Variants in SYNE1 observed in about 807,000 individuals in gnomAD.
SYNE1 encodes nesprin-1.
Under a neutral mutation model 1,111.0 loss-of-function variants are expected in SYNE1, and 616 were observed. The observed-to-expected ratio is 0.55, with a 90% CI of 0.52 to 0.59. The LOEUF is 0.59. SYNE1 is among the 20% of genes least tolerant of loss of function. The pLI is 0.00. For missense variants in SYNE1, 10,006 were observed against 10,417.0 expected, an observed-to-expected ratio of 0.96 and a Z score of 1.72; for synonymous variants, 3,855 against 3,825.8, an observed-to-expected ratio of 1.01 and a Z score of -0.28.
intron 128 of SYNE1, among the ~76,000 whole-genome samples, chr6:152,182,521 A>G (rs1036655946): frequency 2.0e-5 from 3 of 152,300 alleles, no homozygotes; most frequent in South Asian, 4.1e-4. Flanking sequence ...ACATTTTGCT[A>G]TATTTTGTTT....
intron 144 of SYNE1, 31 bp downstream of exon 144, chr6:152,132,091 G>C: frequency 1.2e-6 from 2 of 1,600,550 alleles, no homozygotes; most frequent in Non-Finnish European, 8.6e-7. Context: ...CACTCCCATG[G>C]GCCAACTGAA....
intron 3 of SYNE1, among the ~76,000 whole-genome samples, chr6:152,627,491 A>G (rs188739627): frequency 4.4e-3 from 69 of 15,686 alleles, no homozygotes; most frequent in African/African-American, 0.018. Flanking sequence ...TATCTCTACT[A>G]AAAAAAAAAA....
At chr6:152,445,363 T>C (rs187100362) in intron 29 of SYNE1, among the ~76,000 whole-genome samples, 1 of 152,204 alleles carries the variant, frequency 6.6e-6, no homozygotes, top group East Asian at 1.9e-4. Flanking sequence ...TCTAATGGAT[T>C]CTCTTCCTTA....
Position 152,511,588 on chromosome 6 carries a change from T to C in SYNE1, c.310-485A>G, listed in dbSNP as rs764771842. On this transcript the variant is annotated intron_variant, in intron 6 of 145. Coordinates refer to ENST00000367255, the MANE Select transcript of SYNE1 (RefSeq NM_182961.4). Reference sequence around the variant, plus strand: ...GTACTAACCGGTGATCCTCTGTGCATGGACTGACATGAAAAACAAAGGGAG... The same window carrying C: ...GTACTAACCGGTGATCCTCTGTGCACGGACTGACATGAAAAACAAAGGGAG... 26 of 1,612,516 alleles carry C rather than the reference T, an allele frequency of 1.6e-5. No individual in the cohort carries two copies. The South Asian group carries it at 2.5e-4, about 16-fold the overall frequency.
intron 3 of SYNE1, among the ~76,000 whole-genome samples, chr6:152,557,815 G>C (rs368142823): frequency 6.6e-6 from 1 of 152,066 alleles, no homozygotes; most frequent in South Asian, 2.1e-4. Context: ...AAAAATTAAT[G>C]TTAGAGTTCT....
rs71660056 is a variant in SYNE1, at chr6:152,121,768, CT to C, written c.*667del. 0.42 allele frequency: 63,792 copies of C among 150,726 alleles called. 13,936 individuals carry two copies. The highest frequency in any genetic ancestry group is 0.52 in the African/African-American group (21,164 of 41,008). The allele number at this position is 150,726 out of a possible 1,614,324, so 9.3% of individuals were successfully genotyped here. A position where few individuals can be genotyped will look rare whatever the true frequency, so the allele number is the denominator to read the frequency against. The stretch of plus-strand genomic sequence containing the variant: ...TAGCAAACTGTACATACATAAATAT[CT>C]TTTTTTTTTTACTATAACATTCAAC... On this transcript the variant is annotated 3_prime_UTR_variant, in exon 146 of 146. Transcript: ENST00000367255.
chr6:152,150,481 CAG>C (rs1257054153), intron 135 of SYNE1, among the ~76,000 whole-genome samples: 1 of 152,162 alleles, frequency 6.6e-6, no homozygotes, highest in Non-Finnish European at 1.5e-5. Context: ...AGAGAGGAAT[CAG>C]GGGAGAGGGT....
At chr6:152,377,608 TAAAAAAAAAAAAAAAAAA>T (rs869031827) in intron 56 of SYNE1, among the ~76,000 whole-genome samples, 3 of 31,368 alleles carry the variant, frequency 9.6e-5, no homozygotes, top group African/African-American at 3.0e-4. Context: ...AACTCCGTCT[TAAAAAAAAAAAAAAAAAA>T]AAAAAAAAAA....
At position 152,145,920 on chromosome 6, in the gene SYNE1, G is replaced by A. The variant is rs1435464483; in HGVS notation, c.24976+2125C>T. ...GGTACCTGTAATCCCAGCTACATGG[G>A]AGTCTGAGGCAGGAGGATCGCTTGA... On this transcript the variant is annotated intron_variant, in intron 137 of 145. Coordinates refer to ENST00000367255, the MANE Select transcript of SYNE1 (RefSeq NM_182961.4). 15 of 337,194 alleles carry A rather than the reference G, an allele frequency of 4.4e-5. 1 individual carries two copies. In the East Asian group the frequency reaches 1.1e-3, roughly 24 times the overall value. The allele number at this position is 337,194 out of a possible 1,614,324, so 20.9% of individuals were successfully genotyped here. A position where few individuals can be genotyped will look rare whatever the true frequency, so the allele number is the denominator to read the frequency against.
rs1366322267 is a variant in SYNE1 at position 152,344,103 on chromosome 6, C to T, written c.12203G>A (p.Ser4068Asn). The T allele has an allele frequency of 1.2e-6, 2 of 1,614,222 alleles. No homozygotes were observed. Among genetic ancestry groups the T allele is most frequent in the Non-Finnish European group, 1.7e-6 (2 of 1,180,038 alleles). Residue 4068 changes from serine to asparagine, a missense_variant, in exon 74 of 146, where the codon AGT (serine) becomes AAT (asparagine). Ser to Asn is a conservative substitution (Grantham distance 46). Transcript: ENST00000367255. ...TACCTGCTTAATGGCTTCTGCCCTACTAAGAGGTGGTTGAGGACTTGGCTC... is the reference window on the plus strand; with the variant it reads ...TACCTGCTTAATGGCTTCTGCCCTATTAAGAGGTGGTTGAGGACTTGGCTC... ...DLEPSPQPPL[S>N]RAEAIKQVKH...
At chr6:152,627,490 TAA>T (rs5880989) in intron 3 of SYNE1, among the ~76,000 whole-genome samples, 4 of 134,354 alleles carry the variant, frequency 3.0e-5, no homozygotes, top group Admixed American at 1.5e-4. Context: ...ATATCTCTAC[TAA>T]AAAAAAAAAA....
intron 93 of SYNE1, among the ~76,000 whole-genome samples, chr6:152,299,056 T>A (rs548475494): frequency 4.6e-5 from 7 of 152,330 alleles, no homozygotes; most frequent in African/African-American, 1.4e-4. Context: ...GCTTTGTGGT[T>A]AATGTCAAGA....
At chr6:152,310,103 C>A in intron 89 of SYNE1, 86 bp from the exon 90 acceptor site, 6 of 1,416,618 alleles carry the variant, frequency 4.2e-6, no homozygotes, top group Admixed American at 2.2e-5. Flanking sequence ...AGTTACGTTG[C>A]AAGTTATAAA....
chr6:152,334,247 T>C lies in SYNE1; in HGVS notation c.12555A>G (p.Lys4185=). The C allele has an allele frequency of 1.2e-6, 2 of 1,613,956 alleles. No individual in the cohort carries two copies. The highest frequency in any genetic ancestry group is 1.7e-6 in the Non-Finnish European group (2 of 1,180,032). Residue 4185 remains lysine (K), a synonymous_variant, in exon 77 of 146, where the codon AAA becomes AAG. Coordinates refer to ENST00000367255, the MANE Select transcript of SYNE1 (RefSeq NM_182961.4). Reference sequence around the variant, plus strand: ...CTATTATGGTGTTCACGGATGCCTGTTTGCTCTGTAGTTTCTTAACAAAAT... The same window carrying C: ...CTATTATGGTGTTCACGGATGCCTGCTTGCTCTGTAGTTTCTTAACAAAAT... ...VKDFVKKLQS[K]QASVNTIIEK... is the part of the protein sequence containing the mutation.
In SYNE1 at chr6:152,364,839, T is replaced by G. The variant is rs1242424354; in HGVS notation, c.10145+8A>C. 1 of 1,614,148 alleles carries G rather than the reference T, an allele frequency of 6.2e-7. No individual in the cohort carries two copies. The highest frequency in any genetic ancestry group is 1.3e-5 in the African/African-American group (1 of 75,026). On this transcript the variant is annotated splice_region_variant and intron_variant, in intron 63 of 145. Transcript: ENST00000367255. ...GCTTCCCCAGTGCTTGGCTGTAGTT[T>G]CCCTCACCTTTTACAACGAATCCCT...
At chr6:152,378,023 C>T (rs1337155098) in intron 56 of SYNE1, among the ~76,000 whole-genome samples, 1 of 152,154 alleles carries the variant, frequency 6.6e-6, no homozygotes, top group Non-Finnish European at 1.5e-5. Flanking sequence ...CCATGGTCAT[C>T]TGAGTTACAC....
chr6:152,158,235 A>G (rs1214494689), intron 131 of SYNE1, among the ~76,000 whole-genome samples: 2 of 152,190 alleles, frequency 1.3e-5, no homozygotes, highest in Non-Finnish European at 2.9e-5. Flanking sequence ...TAAGTATTCC[A>G]TTATTAAAAG....
chr6:152,498,197 T>A (rs1164752011), intron 11 of SYNE1, among the ~76,000 whole-genome samples: 2 of 152,204 alleles, frequency 1.3e-5, no homozygotes, highest in African/African-American at 2.4e-5. Context: ...ATTCAATAAC[T>A]TGGATATGGA....
At chr6:152,266,923 C>T (rs917680219) in intron 100 of SYNE1, among the ~76,000 whole-genome samples, 1 of 152,018 alleles carries the variant, frequency 6.6e-6, no homozygotes, top group Non-Finnish European at 1.5e-5. Context: ...CTATGTCGTC[C>T]ATCTCTAAAA....
Sources: gnomAD v4.1 joint callset for allele counts (sites outside exome capture counted in the v4.1 genomes callset) on GRCh38, gnomAD v4.1.1 for gene constraint, MANE v1.5 for transcripts, NCBI Gene and HGNC (gene_info 2026-07-23, HGNC 2026-07-21) for gene names.